Variants in ELF1 observed in about 807,000 individuals in gnomAD.
The protein encoded by ELF1 is E74 like ETS transcription factor 1.
Under a neutral mutation model 59.9 loss-of-function variants are expected in ELF1, and 24 were observed. The observed-to-expected ratio is 0.40, with a 90% CI of 0.29 to 0.56. ELF1 has a LOEUF of 0.56. ELF1 is among the 20% of genes least tolerant of loss of function. The probability of loss-of-function intolerance (pLI) is 0.44; values close to 1 mark genes in which losing one functional copy is unlikely to be tolerated. For missense variants in ELF1, 627 were observed against 742.2 expected, an observed-to-expected ratio of 0.84 and a Z score of 1.80; for synonymous variants, 248 against 266.2, an observed-to-expected ratio of 0.93 and a Z score of 0.67.
intron 1 of ELF1, among the ~76,000 whole-genome samples, chr13:41,012,268 G>C (rs890717044): frequency 7.7e-6 from 1 of 129,146 alleles, no homozygotes; most frequent in African/African-American, 2.9e-5. Context: ...AGCCGAGATT[G>C]TGCCACTCCA....
intron 1 of ELF1, among the ~76,000 whole-genome samples, chr13:41,042,607 C>T (rs1235117220): frequency 6.6e-6 from 1 of 152,050 alleles, no homozygotes; most frequent in Admixed American, 6.6e-5. Flanking sequence ...TGGTTTCCAG[C>T]TTCATCCATG....
intron 2 of ELF1, among the ~76,000 whole-genome samples, chr13:40,971,110 A>G (rs1872521645): frequency 7.6e-6 from 1 of 131,278 alleles, no homozygotes; most frequent in Admixed American, 7.9e-5. Context: ...ACAGGATCCT[A>G]TAGATAAACT....
chr13:41,038,876 C>T (rs916726461), intron 1 of ELF1, among the ~76,000 whole-genome samples: 2 of 151,712 alleles, frequency 1.3e-5, no homozygotes, highest in South Asian at 2.1e-4. Context: ...ATAAGCCAGA[C>T]GTGGTGGTAG....
At chr13:40,947,041 GT>G (rs1005404009) in intron 5 of ELF1, among the ~76,000 whole-genome samples, 5 of 150,234 alleles carry the variant, frequency 3.3e-5, no homozygotes, top group African/African-American at 1.2e-4. Flanking sequence ...ATCGTATATT[GT>G]TTTATTGTTG....
chr13:40,971,980 T>G (rs1186737339), intron 2 of ELF1, among the ~76,000 whole-genome samples: 3 of 152,046 alleles, frequency 2.0e-5, no homozygotes, highest in Non-Finnish European at 2.9e-5. Flanking sequence ...TTTAACCAGA[T>G]GTAAATGTTT....
rs199933446 is a variant in ELF1, at chr13:40,939,316, CA to C, written c.1256+1604del. Among the ~76,000 whole-genome samples, 404 of 151,686 alleles carry C rather than the reference CA, an allele frequency of 2.7e-3. 6 individuals are homozygous for C. In the East Asian group the frequency reaches 0.052, roughly 19 times the overall value. On this transcript the variant is annotated intron_variant, in intron 8 of 8. Transcript: ENST00000239882. ...CAACAAAGCTAGCTAGACTTTGTCT[CA>C]AAAAAACAAAACAAAACAAAAACCT...
At chr13:40,939,614 G>A (rs554084497) in intron 8 of ELF1, among the ~76,000 whole-genome samples, 160 of 152,148 alleles carry the variant, frequency 1.1e-3, no homozygotes, top group Non-Finnish European at 1.8e-3. Context: ...GGGAGAATAC[G>A]GACAGTAAGA....
chr13:41,060,908 T>TGCCGCCGCC (rs1157339207), exon 1 of ELF1: 2 of 275,356 alleles, frequency 7.3e-6, no homozygotes, highest in East Asian at 2.1e-4. Context: ...CTACTGAAGC[T>TGCCGCCGCC]GCTGCTGCCG....
Position 40,933,964 on chromosome 13 carries a change from C to G in ELF1, c.1321G>C (p.Val441Leu). 1.2e-6 allele frequency: 2 copies of G among 1,614,246 alleles called. No homozygotes were observed. Residue 441 changes from valine (V) to leucine (L), a missense_variant, in exon 9 of 9, where the codon GTA becomes CTA. Transcript: ENST00000239882. ...VSPRNQQLHT[V>L]TLQTVPLTTV... ...GTGAGTGGCACTGTTTGGAGTGTTA[C>G]TGTATGCAACTGCTGATTCCTAGGA... is the stretch of plus-strand genomic sequence containing the variant.
At chr13:40,945,502 G>A (rs1870450264) in intron 5 of ELF1, among the ~76,000 whole-genome samples, 1 of 151,844 alleles carries the variant, frequency 6.6e-6, no homozygotes, top group South Asian at 2.1e-4. Context: ...TTTTTTTTGA[G>A]TGGGGAGAAC....
At chr13:41,047,873 G>A (rs1402766727) in intron 1 of ELF1, among the ~76,000 whole-genome samples, 1 of 152,230 alleles carries the variant, frequency 6.6e-6, no homozygotes, top group Non-Finnish European at 1.5e-5. Context: ...CCTGCCCCCA[G>A]AGGTGGAGTC....
At position 40,951,886 on chromosome 13, in the gene ELF1, T is replaced by C. The variant is rs529019372; in HGVS notation, c.254-450A>G. On this transcript the variant is annotated intron_variant, in intron 3 of 8. Transcript: ENST00000239882. Reference sequence around the variant, plus strand: ...TGTCTTAAAAAAAAAAAACAGAAACTATTACATTAAAAAATCAATATTTCC... The same window carrying C: ...TGTCTTAAAAAAAAAAAACAGAAACCATTACATTAAAAAATCAATATTTCC... Among the ~76,000 whole-genome samples, 11 of 151,672 alleles carry C rather than the reference T, an allele frequency of 7.3e-5. No individual in the cohort carries two copies. The South Asian group carries it at 2.3e-3, about 32-fold the overall frequency.
chr13:41,047,050 T>C (rs1876878089), intron 1 of ELF1, among the ~76,000 whole-genome samples: 1 of 152,228 alleles, frequency 6.6e-6, no homozygotes, highest in South Asian at 2.1e-4. Context: ...ACTGATACCC[T>C]TTCTTCCAGT....
rs1290451994 is a variant in ELF1 at position 41,014,692 on chromosome 13, A to G, written c.-229+4536T>C. Among the ~76,000 whole-genome samples the G allele has an allele frequency of 2.0e-5, 3 of 152,288 alleles. No individual in the cohort carries two copies. In the East Asian group the frequency reaches 5.8e-4, roughly 29 times the overall value. Reference sequence around the variant, plus strand: ...AACTTAATTTCAACCATTTATATGAAGCAGCTCCTAAGTAAAGGAGCAAAA... The same window carrying G: ...AACTTAATTTCAACCATTTATATGAGGCAGCTCCTAAGTAAAGGAGCAAAA... On this transcript the variant is annotated intron_variant, in intron 1 of 8. Transcript: ENST00000239882.
chr13:41,040,739 C>A (rs1876572903), intron 1 of ELF1, among the ~76,000 whole-genome samples: 1 of 152,174 alleles, frequency 6.6e-6, no homozygotes, highest in African/African-American at 2.4e-5. Flanking sequence ...TGCTGTGCCG[C>A]CTGGTTCCTA....
intron 1 of ELF1, among the ~76,000 whole-genome samples, chr13:41,045,110 AG>A (rs1209701718): frequency 1.3e-5 from 2 of 151,860 alleles, no homozygotes; most frequent in Non-Finnish European, 2.9e-5. Flanking sequence ...CTCTGATGGT[AG>A]TTTTCATTTC....
chr13:41,016,244 A>G (rs1245357077), intron 1 of ELF1, among the ~76,000 whole-genome samples: 1 of 152,308 alleles, frequency 6.6e-6, no homozygotes, highest in Admixed American at 6.5e-5. Context: ...TGATGGCCAC[A>G]CTGTGGACGA....
chr13:40,995,498 T>C (rs903506621), intron 1 of ELF1, among the ~76,000 whole-genome samples: 27 of 151,874 alleles, frequency 1.8e-4, no homozygotes, highest in African/African-American at 6.5e-4. Context: ...ATCAAGACAG[T>C]GAGGTACTGG....
intron 1 of ELF1, among the ~76,000 whole-genome samples, chr13:41,030,081 A>C (rs1876102248): frequency 6.6e-6 from 1 of 151,610 alleles, no homozygotes; most frequent in Non-Finnish European, 1.5e-5. Context: ...ATATTACATT[A>C]ACATGTATAT....
Sources: gnomAD v4.1 joint callset for allele counts (sites outside exome capture counted in the v4.1 genomes callset) on GRCh38, gnomAD v4.1.1 for gene constraint, MANE v1.5 for transcripts, NCBI Gene and HGNC (gene_info 2026-07-23, HGNC 2026-07-21) for gene names.